Variants in IGSF11 observed in about 807,000 individuals in gnomAD.
The protein encoded by IGSF11 is CXADR like 1.
In IGSF11, 22 loss-of-function variants were observed where a neutral mutation model predicts 41.0. The observed-to-expected ratio is 0.54, with a 90% CI of 0.38 to 0.77. The LOEUF (loss-of-function observed/expected upper bound fraction) is 0.77. IGSF11 is among the 30% of genes least tolerant of loss of function. The pLI, the probability that IGSF11 is intolerant of heterozygous loss-of-function variation, is 0.00. For synonymous variants in IGSF11, 219 were observed against 201.3 expected (o/e 1.09, Z -0.74); for missense variants, 444 against 530.8 (o/e 0.84, Z 1.61).
At chr3:119,047,739 A>T (rs1246435194) in intron 1 of IGSF11, among the ~76,000 whole-genome samples, 1 of 152,098 alleles carries the variant, frequency 6.6e-6, no homozygotes, top group African/African-American at 2.4e-5. Flanking sequence ...TTGACCACAC[A>T]CTTGGAAGTA....
intron 1 of IGSF11, among the ~76,000 whole-genome samples, chr3:119,139,698 A>T (rs1476794865): frequency 1.3e-5 from 2 of 152,218 alleles, no homozygotes; most frequent in African/African-American, 4.8e-5. Flanking sequence ...AGCAGTGTGA[A>T]AAATGGACTA....
At chr3:118,907,236 C>T (rs1306386514) in intron 4 of IGSF11, among the ~76,000 whole-genome samples, 2 of 152,094 alleles carry the variant, frequency 1.3e-5, no homozygotes, top group African/African-American at 2.4e-5. Flanking sequence ...GAAGCAGACA[C>T]GAGGAGTCAG....
rs1333640733 is a variant in IGSF11, at chr3:119,079,989, A to C, written c.49+25155T>G. Among the ~76,000 whole-genome samples the C allele has an allele frequency of 2.0e-5, 3 of 152,328 alleles. No homozygotes were observed. In the East Asian group the frequency reaches 5.8e-4, roughly 29 times the overall value. On this transcript the variant is annotated intron_variant, in intron 1 of 6. Coordinates refer to the IGSF11 transcript ENST00000354673. Reference sequence around the variant, plus strand: ...TGTACACCAAACCCCAGCAACATGCAATTTACCCATTTAACAAACCTGCAC... The same window carrying C: ...TGTACACCAAACCCCAGCAACATGCCATTTACCCATTTAACAAACCTGCAC...
chr3:118,915,210 C>G (rs1236912485), intron 4 of IGSF11, among the ~76,000 whole-genome samples: 2,574 of 134,090 alleles, frequency 0.019, 113 homozygotes, highest in African/African-American at 0.073. Flanking sequence ...TCTCCTCCTC[C>G]AAAGGAACAC....
intron 1 of IGSF11, among the ~76,000 whole-genome samples, chr3:119,023,731 T>C (rs1489025834): frequency 2.0e-5 from 3 of 152,108 alleles, no homozygotes; most frequent in Non-Finnish European, 4.4e-5. Context: ...ACTAGGAGAA[T>C]GGACTTCACT....
At chr3:118,937,942 T>C (rs578103428) in intron 1 of IGSF11, among the ~76,000 whole-genome samples, 4 of 152,192 alleles carry the variant, frequency 2.6e-5, no homozygotes, top group Admixed American at 2.6e-4. Flanking sequence ...GCAAAGAGCA[T>C]GCCTTATACT....
chr3:118,986,682 G>A (rs1353641509), intron 1 of IGSF11, among the ~76,000 whole-genome samples: 2 of 152,316 alleles, frequency 1.3e-5, no homozygotes, highest in East Asian at 1.9e-4. Flanking sequence ...ACAGCTTAGA[G>A]GGGATAGTAA....
chr3:119,084,897 T>G (rs1196954441), intron 1 of IGSF11, among the ~76,000 whole-genome samples: 2 of 152,192 alleles, frequency 1.3e-5, no homozygotes, highest in Non-Finnish European at 2.9e-5. Flanking sequence ...TGCCCGGCAC[T>G]TGAGCTGGGG....
chr3:118,990,381 T>A (rs1482278186), intron 1 of IGSF11, among the ~76,000 whole-genome samples: 2 of 152,154 alleles, frequency 1.3e-5, no homozygotes, highest in African/African-American at 4.8e-5. Flanking sequence ...TATGGATGCA[T>A]AATGTGCCTT....
chr3:119,029,660 G>C (rs1220731302), intron 1 of IGSF11, among the ~76,000 whole-genome samples: 1 of 152,212 alleles, frequency 6.6e-6, no homozygotes, highest in African/African-American at 2.4e-5. Flanking sequence ...GGTTTTATGA[G>C]TGTGACTGCT....
At chr3:119,073,034 A>G (rs919328308) in intron 1 of IGSF11, among the ~76,000 whole-genome samples, 1 of 152,098 alleles carries the variant, frequency 6.6e-6, no homozygotes, top group East Asian at 1.9e-4. Flanking sequence ...TGCATTTACA[A>G]ACCTTGAGCT....
intron 1 of IGSF11, among the ~76,000 whole-genome samples, chr3:119,079,684 A>G (rs2076557905): frequency 6.6e-6 from 1 of 152,242 alleles, no homozygotes; most frequent in African/African-American, 2.4e-5. Flanking sequence ...CATATATACC[A>G]TGGAATACTA....
intron 1 of IGSF11, among the ~76,000 whole-genome samples, chr3:119,015,658 A>AT (rs1938601633): frequency 6.6e-6 from 1 of 151,978 alleles, no homozygotes; most frequent in African/African-American, 2.4e-5. Context: ...TCTTTAGTCT[A>AT]TTTTTGCCTC....
intron 1 of IGSF11, among the ~76,000 whole-genome samples, chr3:119,091,409 G>A (rs574913864): frequency 6.6e-6 from 1 of 152,266 alleles, no homozygotes; most frequent in East Asian, 1.9e-4. Flanking sequence ...CATTTGTATT[G>A]TTTATTGCTG....
chr3:118,935,419 TATATAC>T (rs1576415363), intron 1 of IGSF11, among the ~76,000 whole-genome samples: 1 of 145,246 alleles, frequency 6.9e-6, no homozygotes, highest in East Asian at 2.1e-4. Flanking sequence ...TATACATACG[TATATAC>T]ATATACGTAT....
chr3:119,080,667 A>G (rs1375520040), intron 1 of IGSF11, among the ~76,000 whole-genome samples: 1 of 152,216 alleles, frequency 6.6e-6, no homozygotes, highest in Non-Finnish European at 1.5e-5. Context: ...ATGTTTGCAG[A>G]TGAATAATTA....
upstream of IGSF11, among the ~76,000 whole-genome samples, chr3:119,038,923 T>C (rs1941012084): frequency 6.6e-6 from 1 of 152,210 alleles, no homozygotes; most frequent in South Asian, 2.1e-4. Flanking sequence ...TGAGATTATA[T>C]ATTTTTATAA....
At chr3:119,140,795 G>T (rs939923883) in intron 1 of IGSF11, among the ~76,000 whole-genome samples, 8 of 152,078 alleles carry the variant, frequency 5.3e-5, no homozygotes, top group Middle Eastern at 3.4e-3. Context: ...TGTAATCCTA[G>T]CACTTTGGGA....
chr3:119,060,563 C>T (rs770920658), intron 1 of IGSF11, among the ~76,000 whole-genome samples: 13 of 152,170 alleles, frequency 8.5e-5, no homozygotes, highest in Non-Finnish European at 1.6e-4. Context: ...TTATTTAAAT[C>T]CTCACAACAA....
Sources: allele counts gnomAD v4.1 joint callset (sites outside exome capture counted in the v4.1 genomes callset), GRCh38; gene constraint gnomAD v4.1.1; transcripts MANE v1.5; gene names NCBI Gene and HGNC (gene_info 2026-07-23, HGNC 2026-07-21).